Variants in PBX1 observed in about 807,000 individuals in gnomAD.
The protein encoded by PBX1 is PBX homeobox 1.
PBX1 carries 6 observed loss-of-function variants against 53.4 expected under a neutral mutation model. The observed-to-expected ratio is 0.11, with a 90% CI of 0.06 to 0.22. The LOEUF is 0.22. Among genes scored for constraint, PBX1 ranks in the 10% least tolerant of loss-of-function variants. The pLI is 1.00. For missense variants in PBX1, 251 were observed against 551.4 expected (o/e 0.46, Z 5.46); for synonymous variants, 204 against 212.3 (o/e 0.96, Z 0.34).
intron 2 of PBX1, among the ~76,000 whole-genome samples, chr1:164,625,715 T>C (rs1033937396): frequency 4.6e-5 from 7 of 151,932 alleles, no homozygotes; most frequent in African/African-American, 1.5e-4. Context: ...TATGTGAGTG[T>C]GTGTGTGTTA....
rs573327124 is a variant in PBX1, at chr1:164,765,986, G to A, written c.266-26508G>A. On this transcript the variant is annotated intron_variant, in intron 2 of 8. Coordinates refer to ENST00000420696, the MANE Select transcript of PBX1 (RefSeq NM_002585.4). ...TGCCCCTAGCAAAGTTCTAAATGCC[G>A]TTGGGGGAAAAAAGAAGGGTAAAAT... 1.2e-4 allele frequency among the ~76,000 whole-genome samples: 19 copies of A among 152,290 alleles called. No individual in the cohort carries two copies. In the South Asian group the frequency reaches 2.1e-3, roughly 17 times the overall value.
In PBX1 at chr1:164,750,034, A is replaced by C. The variant is rs182012380; in HGVS notation, c.266-42460A>C. On this transcript the variant is annotated intron_variant, in intron 2 of 8. Transcript: ENST00000420696. ...AGGATCACTTGAGCCCATGAGTTCA[A>C]GGCTGTAGTGAGCTATGATTATACT... 1.7e-4 allele frequency among the ~76,000 whole-genome samples: 26 copies of C among 152,150 alleles called. 1 individual carries two copies. The East Asian group carries it at 2.9e-3, about 17-fold the overall frequency.
At chr1:164,879,734 G>A (rs963183304) in intron 2 of PBX1, among the ~76,000 whole-genome samples, 5 of 152,206 alleles carry the variant, frequency 3.3e-5, no homozygotes, top group African/African-American at 4.8e-5. Context: ...AGTAATGGGA[G>A]TGGATAATAT....
At chr1:164,589,203 TAAC>T (rs762146924) in intron 2 of PBX1, among the ~76,000 whole-genome samples, 55 of 152,016 alleles carry the variant, frequency 3.6e-4, no homozygotes, top group Admixed American at 8.5e-4. Context: ...GCCGGGCCCT[TAAC>T]AACCACTGGA....
chr1:164,569,669 C>T (rs1178612909), intron 2 of PBX1, among the ~76,000 whole-genome samples: 2 of 130,632 alleles, frequency 1.5e-5, no homozygotes, highest in Non-Finnish European at 3.1e-5. Context: ...TCCCTGGGTT[C>T]AAGCGATTCT....
intron 5 of PBX1, among the ~76,000 whole-genome samples, chr1:164,811,216 T>A (rs1282519644): frequency 1.3e-5 from 2 of 152,222 alleles, no homozygotes; most frequent in Non-Finnish European, 2.9e-5. Context: ...TCTCCACTTG[T>A]GTCTGGCAGA....
intron 2 of PBX1, among the ~76,000 whole-genome samples, chr1:164,859,815 C>G: frequency 6.6e-6 from 1 of 152,124 alleles, no homozygotes; most frequent in East Asian, 1.9e-4. Flanking sequence ...CAATATGATG[C>G]AAGATTAAAC....
At chr1:164,571,873 G>GTGTA (rs1252010429) in intron 2 of PBX1, among the ~76,000 whole-genome samples, 15 of 29,900 alleles carry the variant, frequency 5.0e-4, no homozygotes, top group African/African-American at 7.7e-4. Context: ...TCTGTACATT[G>GTGTA]TATATATATA....
chr1:164,803,172 T>A (rs970518972), intron 4 of PBX1, among the ~76,000 whole-genome samples: 4 of 152,194 alleles, frequency 2.6e-5, no homozygotes, highest in African/African-American at 9.7e-5. Context: ...GATGTTATAG[T>A]AGCCACTGGA....
chr1:164,697,540 G>A (rs1327692527), intron 2 of PBX1, among the ~76,000 whole-genome samples: 1 of 152,078 alleles, frequency 6.6e-6, no homozygotes, highest in Non-Finnish European at 1.5e-5. Flanking sequence ...AACAAAAACT[G>A]TGTTTACCTA....
At chr1:164,810,479 T>A (rs1368636004) in intron 5 of PBX1, among the ~76,000 whole-genome samples, 1 of 151,972 alleles carries the variant, frequency 6.6e-6, no homozygotes, top group Admixed American at 6.6e-5. Flanking sequence ...TCAGCTCATA[T>A]TTTTTTTACA....
At chr1:164,576,364 A>T (rs1654235571) in intron 2 of PBX1, among the ~76,000 whole-genome samples, 1 of 152,136 alleles carries the variant, frequency 6.6e-6, no homozygotes, top group African/African-American at 2.4e-5. Context: ...AGCATAGAGG[A>T]CGCTTGGGAG....
intron 2 of PBX1, among the ~76,000 whole-genome samples, chr1:164,569,395 C>T (rs574546802): frequency 6.6e-6 from 1 of 152,130 alleles, no homozygotes; most frequent in Admixed American, 6.5e-5. Context: ...ATAGAGTAAA[C>T]AGTCAATAGC....
At chr1:164,819,994 T>C (rs1670074025) in intron 6 of PBX1, 78 bp from the exon 7 acceptor site, 2 of 809,176 alleles carry the variant, frequency 2.5e-6, no homozygotes, top group Non-Finnish European at 4.2e-6. Flanking sequence ...TGCATGTCAT[T>C]CTTCCTCTTG....
At chr1:164,750,027 G>C (rs1311041756) in intron 2 of PBX1, among the ~76,000 whole-genome samples, 2 of 151,986 alleles carry the variant, frequency 1.3e-5, no homozygotes, top group African/African-American at 2.4e-5. Flanking sequence ...TTGAGCCCAT[G>C]AGTTCAAGGC....
chr1:164,610,438 A>G lies in PBX1; in HGVS notation c.265+47127A>G, dbSNP rs1018472363. Among the ~76,000 whole-genome samples, 9 of 152,180 alleles carry G rather than the reference A, an allele frequency of 5.9e-5. No individual in the cohort carries two copies. In the East Asian group the frequency reaches 1.4e-3, roughly 23 times the overall value. On this transcript the variant is annotated intron_variant, in intron 2 of 8. Transcript: ENST00000420696. ...AGAGAATGCGGTGGGGTTAACATAA[A>G]AGCAGAGTTTAGCAGTGAGGAACCC...
chr1:164,562,582 A>G (rs1253053567), intron 1 of PBX1, among the ~76,000 whole-genome samples: 1 of 152,184 alleles, frequency 6.6e-6, no homozygotes, highest in African/African-American at 2.4e-5. Context: ...TTGAATTTCA[A>G]CACCTGCAAA....
intron 8 of PBX1, among the ~76,000 whole-genome samples, chr1:164,824,868 A>C (rs1412630773): frequency 6.6e-6 from 1 of 152,188 alleles, no homozygotes; most frequent in Non-Finnish European, 1.5e-5. Context: ...CCACCATCCT[A>C]GTTCTAGAAA....
At position 164,850,325 on chromosome 1, in the gene PBX1, A is replaced by G. The variant is rs1003801534; in HGVS notation, c.*3649A>G. ...TTCACAATGTTTAAAAGTGACAGTA[A>G]TTCATTTTGTAAACTAAAAAAAAAA... On this transcript the variant is annotated 3_prime_UTR_variant, in exon 9 of 9. Transcript: ENST00000420696. The G allele has an allele frequency of 9.5e-6, 2 of 211,584 alleles. No individual in the cohort carries two copies. The highest frequency in any genetic ancestry group is 4.6e-5 in the African/African-American group (2 of 43,804). 13.1% of individuals were successfully genotyped at this position (211,584 alleles called of 1,614,324 possible). A position where few individuals can be genotyped will look rare whatever the true frequency, so the allele number is the denominator to read the frequency against.
Sources: allele counts gnomAD v4.1 joint callset (sites outside exome capture counted in the v4.1 genomes callset), GRCh38; gene constraint gnomAD v4.1.1; transcripts MANE v1.5; gene names NCBI Gene and HGNC (gene_info 2026-07-23, HGNC 2026-07-21).